The following IL7R variants were observed in gnomAD, a reference collection of about 807,000 sequenced individuals.
The protein encoded by IL7R is interleukin-7 receptor subunit alpha.
IL7R carries 38 observed loss-of-function variants against 47.0 expected under a neutral mutation model. The observed-to-expected ratio is 0.81, with a 90% CI of 0.62 to 1.06. IL7R has a LOEUF of 1.06. IL7R is among the 50% of genes least tolerant of loss of function. The pLI is 0.00. For synonymous variants in IL7R, 221 were observed against 199.8 expected, an observed-to-expected ratio of 1.11 and a Z score of -0.89; for missense variants, 633 against 534.8, an observed-to-expected ratio of 1.18 and a Z score of -1.81.
rs931321731 is a variant in IL7R at position 35,877,064 on chromosome 5, C to T, written c.*578C>T. Reference sequence around the variant, plus strand: ...GGGCCAAGATATGATGGCTGGGAGTCTAATTGCAGTTCCCTGAGCCATGTG... The same window carrying T: ...GGGCCAAGATATGATGGCTGGGAGTTTAATTGCAGTTCCCTGAGCCATGTG... On this transcript the variant is annotated 3_prime_UTR_variant, in exon 8 of 8. Coordinates refer to ENST00000303115, the MANE Select transcript of IL7R (RefSeq NM_002185.5). 4.2e-6 allele frequency: 1 copy of T among 236,784 alleles called. No homozygotes were observed. The highest frequency in any genetic ancestry group is 2.2e-5 in the African/African-American group (1 of 45,328). The allele number at this position is 236,784 out of a possible 1,614,324, so 14.7% of individuals were successfully genotyped here.
rs1211117194 is a variant in IL7R at position 35,873,565 on chromosome 5, T to C, written c.623T>C (p.Ile208Thr). The C allele has an allele frequency of 3.1e-6, 5 of 1,613,974 alleles. No individual in the cohort carries two copies. The highest frequency in any genetic ancestry group is 3.3e-5 in the Admixed American group (2 of 60,020). ...ATGTATGAGATTAAAGTTCGATCCA[T>C]CCCTGATCACTATTTTAAAGGCTTC... ...AAMYEIKVRS[I>T]PDHYFKGFWS... Residue 208 changes from isoleucine to threonine, a missense_variant, in exon 5 of 8, where the codon ATC becomes ACC. Ile to Thr is a moderately conservative substitution (Grantham distance 89). Transcript: ENST00000303115.
At chr5:35,875,931 T>C (rs1760193657) in intron 7 of IL7R, 52 bp from the exon 8 acceptor site, 3 of 1,581,420 alleles carry the variant, frequency 1.9e-6, no homozygotes, top group Non-Finnish European at 2.6e-6. Flanking sequence ...GAACATTTGA[T>C]GGTGTGTCTC....
intron 2 of IL7R, among the ~76,000 whole-genome samples, chr5:35,861,572 G>A (rs919740635): frequency 6.6e-6 from 1 of 152,084 alleles, no homozygotes; most frequent in Non-Finnish European, 1.5e-5. Context: ...TTATAATTCT[G>A]TGAATATTGA....
At chr5:35,870,930 C>G in intron 3 of IL7R, 126 bp from the exon 4 acceptor site, 1 of 796,122 alleles carries the variant, frequency 1.3e-6, no homozygotes, top group Non-Finnish European at 2.2e-6. Context: ...AAATGGTTTT[C>G]TGAATAGTTG....
chr5:35,875,923 A>G (rs1760193395), intron 7 of IL7R, 60 bp from the exon 8 acceptor site: 2 of 1,568,402 alleles, frequency 1.3e-6, no homozygotes, highest in Middle Eastern at 1.7e-4. Flanking sequence ...CCTGAACTGA[A>G]CATTTGATGG....
rs115316501 is a variant in IL7R, at chr5:35,876,337, A to G, written c.1231A>G (p.Thr411Ala). Reference protein sequence around the residue: ...YQDLLLSLGTTNSTLPPPFSL... With the variant: ...YQDLLLSLGTANSTLPPPFSL... The stretch of plus-strand genomic sequence containing the variant: ...GGACCTCCTGCTTAGCCTTGGGACT[A>G]CAAACAGCACGCTGCCCCCTCCATT... Residue 411 changes from threonine to alanine, a missense_variant, in exon 8 of 8, where the codon ACA becomes GCA. Transcript: ENST00000303115. 6.3e-4 allele frequency: 1,021 copies of G among 1,613,366 alleles called. 6 individuals are homozygous for G. In the African/African-American group the frequency reaches 0.012, roughly 19 times the overall value.
In IL7R at chr5:35,867,461, T is replaced by C; in HGVS notation, c.377T>C (p.Ile126Thr). 6.2e-7 allele frequency: 1 copy of C among 1,611,574 alleles called. No homozygotes were observed. The highest frequency in any genetic ancestry group is 8.5e-7 in the Non-Finnish European group (1 of 1,178,742). The change falls in exon 3 of 8, where the codon ATA becomes ACA. Residue 126 changes from isoleucine (I) to threonine (T), a missense_variant and splice_region_variant. Physicochemically the swap from Ile to Thr is moderately conservative, Grantham distance 89. Coordinates refer to ENST00000303115, the MANE Select transcript of IL7R (RefSeq NM_002185.5). ...LTCKKIDLTT[I>T]VKPEAPFDLS... ...TGCAAAAAAATAGACCTAACCACTA[T>C]AGGTAAGAAGTTGTATATAAAAGTA...
intron 5 of IL7R, 50 bp from the exon 6 acceptor site, chr5:35,874,399 C>G: frequency 8.4e-7 from 1 of 1,194,712 alleles, no homozygotes. Context: ...AGACCCTACC[C>G]CCACTGCATG....
Position 35,867,487 on chromosome 5 carries a change from T to C in IL7R, c.379+24T>C, listed in dbSNP as rs201643973. On this transcript the variant is annotated intron_variant, in intron 3 of 7. Transcript: ENST00000303115. ...AGGTAAGAAGTTGTATATAAAAGTA[T>C]GGTTGTCACTTTTGGGCTACCTGAA... 5.0e-6 allele frequency: 8 copies of C among 1,600,694 alleles called. No homozygotes were observed. In the Admixed American group the frequency reaches 5.0e-5, roughly 10 times the overall value.
At chr5:35,865,144 G>A (rs569536767) in intron 2 of IL7R, among the ~76,000 whole-genome samples, 2 of 152,174 alleles carry the variant, frequency 1.3e-5, no homozygotes, top group East Asian at 1.9e-4. Context: ...GGTGTGTGAT[G>A]TTCCCCTTCC....
At chr5:35,869,059 G>A (rs1489580374) in intron 3 of IL7R, among the ~76,000 whole-genome samples, 5 of 152,166 alleles carry the variant, frequency 3.3e-5, no homozygotes, top group Non-Finnish European at 2.9e-5. Context: ...CAGGAAGAGA[G>A]GTGGTGGAGG....
In IL7R at chr5:35,878,272, A is replaced by T. The variant is rs1760263960; in HGVS notation, c.*1786A>T. ...CTAGTGCTTTTGCAATTTTCAAAGC[A>T]CTTCCATAAGCATTCCTTCCACCTC... On this transcript the variant is annotated 3_prime_UTR_variant, in exon 8 of 8. Coordinates refer to ENST00000303115, the MANE Select transcript of IL7R (RefSeq NM_002185.5). 4.3e-6 allele frequency: 1 copy of T among 233,144 alleles called. No individual in the cohort carries two copies. Among genetic ancestry groups the T allele is most frequent in the South Asian group, 1.8e-4 (1 of 5,538 alleles). The allele number at this position is 233,144 out of a possible 1,614,324, so 14.4% of individuals were successfully genotyped here.
Position 35,876,225 on chromosome 5 carries a change from T to C in IL7R, c.1119T>C (p.Asn373=). Residue 373 remains asparagine, a synonymous_variant, in exon 8 of 8, where the codon AAT becomes AAC. Coordinates refer to ENST00000303115, the MANE Select transcript of IL7R (RefSeq NM_002185.5). ...CATCCCTCACATGCCTGGCTGGGAA[T>C]GTCAGTGCATGTGACGCCCCTATTC... ...RDSSLTCLAG[N]VSACDAPILS... The C allele has an allele frequency of 6.2e-7, 1 of 1,614,176 alleles. No homozygotes were observed. The highest frequency in any genetic ancestry group is 8.5e-7 in the Non-Finnish European group (1 of 1,180,024).
intron 2 of IL7R, among the ~76,000 whole-genome samples, chr5:35,863,021 C>T (rs981928740): frequency 1.4e-4 from 21 of 152,080 alleles, no homozygotes; most frequent in African/African-American, 4.8e-4. Flanking sequence ...CCCAAAAATT[C>T]GGTTTTTATT....
chr5:35,865,351 G>C (rs62355275), intron 2 of IL7R, among the ~76,000 whole-genome samples: 1 of 152,098 alleles, frequency 6.6e-6, no homozygotes, highest in African/African-American at 2.4e-5. Flanking sequence ...TCTTAATCCA[G>C]TCTATCATTG....
chr5:35,876,341 A>G lies in IL7R; in HGVS notation c.1235A>G (p.Asn412Ser). ...CTCCTGCTTAGCCTTGGGACTACAA[A>G]CAGCACGCTGCCCCCTCCATTTTCT... ...QDLLLSLGTT[N>S]STLPPPFSLQ... The change falls in exon 8 of 8, where the codon AAC becomes AGC. Residue 412 changes from asparagine to serine, a missense_variant. By Grantham distance (46) the Asn-to-Ser change is conservative (BLOSUM62 1). Coordinates refer to ENST00000303115, the MANE Select transcript of IL7R (RefSeq NM_002185.5). 6.2e-7 allele frequency: 1 copy of G among 1,613,334 alleles called. No individual in the cohort carries two copies. Among genetic ancestry groups the G allele is most frequent in the Non-Finnish European group, 8.5e-7 (1 of 1,179,464 alleles).
At position 35,879,369 on chromosome 5, in the gene IL7R, A is replaced by G. The variant is rs1430177180; in HGVS notation, c.*2883A>G. On this transcript the variant is annotated 3_prime_UTR_variant, in exon 8 of 8. Transcript: ENST00000303115. Reference sequence around the variant, plus strand: ...CTAAGAGACTTGGTACGGGCCAGGAAGAATATGTGGCAGAGCTCCTGGAAA... The same window carrying G: ...CTAAGAGACTTGGTACGGGCCAGGAGGAATATGTGGCAGAGCTCCTGGAAA... 1.3e-5 allele frequency: 3 copies of G among 232,702 alleles called. No homozygotes were observed. Among genetic ancestry groups the G allele is most frequent in the Non-Finnish European group, 2.5e-5 (3 of 117,776 alleles). The allele number at this position is 232,702 out of a possible 1,614,324, so 14.4% of individuals were successfully genotyped here. A position where few individuals can be genotyped will look rare whatever the true frequency, so the allele number is the denominator to read the frequency against.
At chr5:35,865,563 T>G (rs886100699) in intron 2 of IL7R, among the ~76,000 whole-genome samples, 28 of 152,180 alleles carry the variant, frequency 1.8e-4, no homozygotes, top group Non-Finnish European at 2.9e-4. Context: ...TGAACTAGTT[T>G]ACAGTCCCAC....
At position 35,874,524 on chromosome 5, in the gene IL7R, G is replaced by A. The variant is rs1474356113; in HGVS notation, c.782G>A (p.Cys261Tyr). The change falls in exon 6 of 8, where the codon TGT becomes TAT. Residue 261 changes from cysteine (C) to tyrosine (Y), a missense_variant. By Grantham distance (194) the Cys-to-Tyr change is radical. Transcript: ENST00000303115. The stretch of plus-strand genomic sequence containing the variant: ...GTCGCTCTGTTGGTCATCTTGGCCT[G>A]TGTGTTATGGAAAAAAAGGTGACCT... ...FSVALLVILA[C>Y]VLWKKRIKPI... The A allele has an allele frequency of 1.2e-6, 2 of 1,612,560 alleles. No homozygotes were observed. Among genetic ancestry groups the A allele is most frequent in the Middle Eastern group, 1.7e-4 (1 of 6,058 alleles).
Sources: gnomAD v4.1 joint callset for allele counts (sites outside exome capture counted in the v4.1 genomes callset) on GRCh38, gnomAD v4.1.1 for gene constraint, MANE v1.5 for transcripts, NCBI Gene and HGNC (gene_info 2026-07-23, HGNC 2026-07-21) for gene names.